NAALADL2: variants seen among roughly 807,000 people sequenced by gnomAD.
NAALADL2 encodes inactive N-acetylated-alpha-linked acidic dipeptidase-like protein 2.
A neutral mutation model predicts 87.2 loss-of-function variants in NAALADL2; 76 were observed. That is an observed-to-expected ratio of 0.87 (90% confidence interval 0.72 to 1.05). NAALADL2 has a LOEUF of 1.05. Ranked by LOEUF, NAALADL2 falls within the 50% of genes least tolerant of loss-of-function variation. The probability of loss-of-function intolerance (pLI) is 0.00; values close to 1 mark genes in which losing one functional copy is unlikely to be tolerated. For missense variants in NAALADL2, 1,089 were observed against 945.8 expected, an observed-to-expected ratio of 1.15 and a Z score of -1.99; for synonymous variants, 354 against 331.0, an observed-to-expected ratio of 1.07 and a Z score of -0.75.
intron 3 of NAALADL2, among the ~76,000 whole-genome samples, chr3:174,777,467 A>G (rs1715353765): frequency 6.6e-6 from 1 of 152,152 alleles, no homozygotes; most frequent in African/African-American, 2.4e-5. Context: ...AACTGGTTAT[A>G]TATCATCAAA....
At chr3:174,562,373 T>C (rs1439664558) in intron 2 of NAALADL2, among the ~76,000 whole-genome samples, 2 of 152,126 alleles carry the variant, frequency 1.3e-5, no homozygotes, top group African/African-American at 4.8e-5. Context: ...TATGGTAATA[T>C]TTTTAGATCA....
rs982845996 is a variant in NAALADL2 at position 174,548,618 on chromosome 3, T to C, written c.-183-1951T>C. Among the ~76,000 whole-genome samples, 11 of 152,158 alleles carry C rather than the reference T, an allele frequency of 7.2e-5. No homozygotes were observed. In the South Asian group the frequency reaches 2.3e-3, roughly 31 times the overall value. ...AGTAAGGCTAAGTGTTGTTTGGTTC[T>C]TCCCTACCTTCATATCATCATCTGT... On this transcript the variant is annotated intron_variant, in intron 1 of 3. Coordinates refer to the NAALADL2 transcript ENST00000434257.
intron 11 of NAALADL2, among the ~76,000 whole-genome samples, chr3:175,691,934 C>G (rs760730407): frequency 2.6e-5 from 4 of 152,092 alleles, no homozygotes; most frequent in Non-Finnish European, 5.9e-5. Flanking sequence ...TTACGGTAAA[C>G]CTTTCACCTT....
chr3:175,254,813 C>G (rs906583555), intron 3 of NAALADL2, among the ~76,000 whole-genome samples: 2 of 152,058 alleles, frequency 1.3e-5, no homozygotes, highest in African/African-American at 4.8e-5. Flanking sequence ...GTATTAAAGG[C>G]ACTGATTTAA....
At chr3:174,556,949 T>C (rs1224014503) in intron 2 of NAALADL2, among the ~76,000 whole-genome samples, 6 of 152,160 alleles carry the variant, frequency 3.9e-5, no homozygotes, top group Admixed American at 3.9e-4. Context: ...TCACCATGAA[T>C]TGTTCAGGCT....
At chr3:175,506,394 G>A (rs866231416) in intron 9 of NAALADL2, among the ~76,000 whole-genome samples, 1 of 152,190 alleles carries the variant, frequency 6.6e-6, no homozygotes, top group Admixed American at 6.5e-5. Flanking sequence ...GTTCATTTTC[G>A]ATAATATTGT....
intron 2 of NAALADL2, among the ~76,000 whole-genome samples, chr3:174,653,886 C>G (rs139254112): frequency 5.3e-5 from 8 of 152,216 alleles, no homozygotes; most frequent in African/African-American, 1.9e-4. Flanking sequence ...GTTTTTCTCC[C>G]TAATCTCATT....
intron 3 of NAALADL2, among the ~76,000 whole-genome samples, chr3:175,252,365 C>A (rs1428034417): frequency 2.0e-5 from 3 of 151,962 alleles, no homozygotes; most frequent in Non-Finnish European, 4.4e-5. Context: ...CAGATGTTAC[C>A]ATTGTCCATT....
rs151016864 is a variant in NAALADL2, at chr3:174,558,228, G to C, written c.-115+7591G>C. Among the ~76,000 whole-genome samples the C allele has an allele frequency of 1.9e-3, 289 of 152,206 alleles. 1 individual carries two copies. Among genetic ancestry groups the C allele is most frequent in the African/African-American group, 6.6e-3 (275 of 41,530 alleles). On this transcript the variant is annotated intron_variant, in intron 2 of 3. Transcript: ENST00000434257. ...AAGGGATAGCAATTAGGCCTGCTGGGTAATTCTTTCCTGCAGTCTCCTAAT... is the reference window on the plus strand; with the variant it reads ...AAGGGATAGCAATTAGGCCTGCTGGCTAATTCTTTCCTGCAGTCTCCTAAT...
At chr3:174,767,834 G>A (rs976193254) in intron 3 of NAALADL2, among the ~76,000 whole-genome samples, 1 of 152,192 alleles carries the variant, frequency 6.6e-6, no homozygotes, top group Non-Finnish European at 1.5e-5. Context: ...CTCATAGAGA[G>A]TTGAATGAAT....
At chr3:175,789,218 G>T (rs1752485213) in intron 13 of NAALADL2, among the ~76,000 whole-genome samples, 1 of 152,076 alleles carries the variant, frequency 6.6e-6, no homozygotes, top group African/African-American at 2.4e-5. Flanking sequence ...ATAAATACTT[G>T]ATGAATGAGC....
At chr3:175,565,143 G>C (rs1716902355) in intron 9 of NAALADL2, among the ~76,000 whole-genome samples, 1 of 152,172 alleles carries the variant, frequency 6.6e-6, no homozygotes, top group African/African-American at 2.4e-5. Context: ...CTTTAGGCCA[G>C]CAGTGGAGGT....
At chr3:175,512,762 T>C (rs1731331489) in intron 9 of NAALADL2, among the ~76,000 whole-genome samples, 1 of 152,194 alleles carries the variant, frequency 6.6e-6, no homozygotes, top group Admixed American at 6.6e-5. Context: ...CTGAAAAATA[T>C]AGCACCTGCT....
At chr3:175,391,936 T>G (rs1769126279) in intron 5 of NAALADL2, among the ~76,000 whole-genome samples, 1 of 152,214 alleles carries the variant, frequency 6.6e-6, no homozygotes, top group Non-Finnish European at 1.5e-5. Flanking sequence ...AGCATTGTTC[T>G]AAGTGTTTCA....
intron 5 of NAALADL2, among the ~76,000 whole-genome samples, chr3:175,326,027 T>TA (rs1760665724): frequency 6.6e-6 from 1 of 152,240 alleles, no homozygotes; most frequent in Non-Finnish European, 1.5e-5. Flanking sequence ...AATTCCATTT[T>TA]AAAACATTTT....
intron 5 of NAALADL2, among the ~76,000 whole-genome samples, chr3:175,435,813 C>A (rs1009598206): frequency 3.3e-5 from 5 of 151,514 alleles, no homozygotes; most frequent in Non-Finnish European, 7.4e-5. Flanking sequence ...GAAAGGAAGA[C>A]CCAAATTAAT....
At chr3:174,513,734 A>C (rs968898264) in intron 1 of NAALADL2, among the ~76,000 whole-genome samples, 2 of 152,180 alleles carry the variant, frequency 1.3e-5, no homozygotes, top group African/African-American at 4.8e-5. Flanking sequence ...AAATCTACCC[A>C]CAAAAGACAT....
chr3:175,186,509 G>C (rs923601094), intron 2 of NAALADL2, among the ~76,000 whole-genome samples: 9 of 152,102 alleles, frequency 5.9e-5, no homozygotes, highest in African/African-American at 1.9e-4. Context: ...AAAACAACCA[G>C]GATTAGAAAG....
chr3:174,643,436 G>A (rs774419624), intron 2 of NAALADL2, among the ~76,000 whole-genome samples: 1 of 152,006 alleles, frequency 6.6e-6, no homozygotes, highest in South Asian at 2.1e-4. Context: ...AGCAGATCAC[G>A]AGGTCAGGAG....
Sources: gnomAD v4.1 joint callset for allele counts (sites outside exome capture counted in the v4.1 genomes callset) on GRCh38, gnomAD v4.1.1 for gene constraint, MANE v1.5 for transcripts, NCBI Gene and HGNC (gene_info 2026-07-23, HGNC 2026-07-21) for gene names.